The following EPHA3 variants were observed in gnomAD, a reference collection of about 807,000 sequenced individuals.
The protein encoded by EPHA3 is EPH receptor A3, also known as ephrin type-A receptor 3.
In EPHA3, 42 loss-of-function variants were observed where a neutral mutation model predicts 107.1. The ratio of observed to expected loss-of-function variants is 0.39; its 90% confidence interval spans 0.31 to 0.51. The LOEUF (loss-of-function observed/expected upper bound fraction) is 0.51. Among genes scored for constraint, EPHA3 ranks in the 20% least tolerant of loss-of-function variants. EPHA3 has a pLI of 0.78. For missense variants in EPHA3, 1,183 were observed against 1,211.2 expected, an observed-to-expected ratio of 0.98 and a Z score of 0.35; for synonymous variants, 461 against 424.8, an observed-to-expected ratio of 1.09 and a Z score of -1.05.
chr3:89,357,167 T>C (rs1297598508), intron 5 of EPHA3, among the ~76,000 whole-genome samples: 1 of 59,340 alleles, frequency 1.7e-5, no homozygotes, highest in African/African-American at 6.5e-5. Flanking sequence ...CGGCAAAGAG[T>C]AAAGAAAAGA....
intron 3 of EPHA3, among the ~76,000 whole-genome samples, chr3:89,293,832 C>T (rs1706277690): frequency 6.6e-6 from 1 of 152,136 alleles, no homozygotes; most frequent in African/African-American, 2.4e-5. Flanking sequence ...TTAGGTAGTT[C>T]TTTATAGCAG....
At position 89,431,129 on chromosome 3, in the gene EPHA3, T is replaced by C. The variant is rs1404094059; in HGVS notation, c.2137-21T>C. 4 of 1,610,144 alleles carry C rather than the reference T, an allele frequency of 2.5e-6. No homozygotes were observed. In the African/African-American group the frequency reaches 5.4e-5, roughly 22 times the overall value. The stretch of plus-strand genomic sequence containing the variant: ...AAGAAATAGGAACGTATCTTAATTG[T>C]ACATTTGAAATGCTTCCCAGAAACA... On this transcript the variant is annotated intron_variant, in intron 12 of 16. Transcript: ENST00000336596.
At chr3:89,415,211 T>C (rs903187622) in intron 10 of EPHA3, among the ~76,000 whole-genome samples, 1 of 151,282 alleles carries the variant, frequency 6.6e-6, no homozygotes, top group African/African-American at 2.4e-5. Context: ...TGTACACAAA[T>C]AAATTAAATA....
At chr3:89,398,189 C>T (rs982083756) in intron 6 of EPHA3, among the ~76,000 whole-genome samples, 2 of 152,076 alleles carry the variant, frequency 1.3e-5, no homozygotes, top group Non-Finnish European at 2.9e-5. Flanking sequence ...TATTCAATCT[C>T]GTTTTGGTTG....
chr3:89,467,440 ATG>A (rs1319539772), intron 15 of EPHA3, among the ~76,000 whole-genome samples: 2 of 152,184 alleles, frequency 1.3e-5, no homozygotes, highest in African/African-American at 4.8e-5. Flanking sequence ...CATTCAAGAA[ATG>A]TGTATTAGTT....
intron 2 of EPHA3, among the ~76,000 whole-genome samples, chr3:89,186,241 G>T (rs369309714): frequency 1.3e-5 from 2 of 151,692 alleles, no homozygotes; most frequent in Non-Finnish European, 2.9e-5. Flanking sequence ...AATCCATCTT[G>T]ATACTATATT....
intron 3 of EPHA3, among the ~76,000 whole-genome samples, chr3:89,326,108 A>T (rs1400335855): frequency 6.6e-6 from 1 of 151,378 alleles, no homozygotes; most frequent in Non-Finnish European, 1.5e-5. Flanking sequence ...TATATATATT[A>T]TTATATGTTA....
intron 1 of EPHA3, among the ~76,000 whole-genome samples, chr3:89,113,089 C>G (rs1707152627): frequency 6.6e-6 from 1 of 152,054 alleles, no homozygotes. Flanking sequence ...ACACAAGTAG[C>G]TTTCCACAGA....
intron 2 of EPHA3, among the ~76,000 whole-genome samples, chr3:89,144,097 A>T (rs1559750887): frequency 6.6e-6 from 1 of 151,666 alleles, no homozygotes; most frequent in Non-Finnish European, 1.5e-5. Context: ...TTAAGTACGT[A>T]GTCTGCATTA....
At chr3:89,251,469 T>C (rs765684013) in intron 3 of EPHA3, among the ~76,000 whole-genome samples, 1 of 152,082 alleles carries the variant, frequency 6.6e-6, no homozygotes, top group South Asian at 2.1e-4. Flanking sequence ...CACTCAAATT[T>C]ATGAAAGCAT....
intron 3 of EPHA3, 104 bp from the exon 4 acceptor site, chr3:89,340,812 A>G (rs1262880875): frequency 8.8e-6 from 11 of 1,245,022 alleles, no homozygotes; most frequent in Non-Finnish European, 1.2e-5. Flanking sequence ...AAAAAACTTG[A>G]TTTTTATTTA....
intron 1 of EPHA3, among the ~76,000 whole-genome samples, chr3:89,115,177 C>G (rs1025567940): frequency 1.3e-5 from 2 of 152,096 alleles, no homozygotes; most frequent in Admixed American, 6.5e-5. Flanking sequence ...CTAACCCTAT[C>G]CCTTTACTAT....
chr3:89,194,047 GAATA>G (rs1705780600), intron 2 of EPHA3, among the ~76,000 whole-genome samples: 1 of 151,894 alleles, frequency 6.6e-6, no homozygotes, highest in Non-Finnish European at 1.5e-5. Context: ...TTTCAAAGTA[GAATA>G]TTTATCACTT....
At chr3:89,290,223 T>C (rs1706180111) in intron 3 of EPHA3, among the ~76,000 whole-genome samples, 1 of 152,154 alleles carries the variant, frequency 6.6e-6, no homozygotes, top group African/African-American at 2.4e-5. Context: ...AAAAATTATA[T>C]GTTCCTTTAC....
At chr3:89,262,927 C>A (rs538547817) in intron 3 of EPHA3, among the ~76,000 whole-genome samples, 3 of 147,608 alleles carry the variant, frequency 2.0e-5, no homozygotes, top group African/African-American at 5.0e-5. Context: ...AGGATGCATG[C>A]AACTTCCGAA....
intron 2 of EPHA3, among the ~76,000 whole-genome samples, chr3:89,148,258 A>G (rs553343462): frequency 6.6e-6 from 1 of 152,102 alleles, no homozygotes; most frequent in South Asian, 2.1e-4. Flanking sequence ...TACCAGGGTC[A>G]TTATTACTGA....
chr3:89,266,363 T>A (rs1166529700), intron 3 of EPHA3, among the ~76,000 whole-genome samples: 1 of 152,186 alleles, frequency 6.6e-6, no homozygotes, highest in Non-Finnish European at 1.5e-5. Context: ...TGGAAACTAT[T>A]GTTTTATTGA....
At chr3:89,279,343 T>C (rs1426616169) in intron 3 of EPHA3, among the ~76,000 whole-genome samples, 1 of 152,114 alleles carries the variant, frequency 6.6e-6, no homozygotes, top group African/African-American at 2.4e-5. Context: ...AAAAGGTCGG[T>C]GGCCTGTACT....
intron 13 of EPHA3, among the ~76,000 whole-genome samples, chr3:89,448,180 C>A (rs867467490): frequency 2.6e-5 from 4 of 152,182 alleles, no homozygotes; most frequent in South Asian, 4.2e-4. Context: ...GTTCCATGGA[C>A]CAGCATCACA....
Sources: allele counts gnomAD v4.1 joint callset (sites outside exome capture counted in the v4.1 genomes callset), GRCh38; gene constraint gnomAD v4.1.1; transcripts MANE v1.5; gene names NCBI Gene and HGNC (gene_info 2026-07-23, HGNC 2026-07-21).